Variants in SPEG observed in about 807,000 individuals in gnomAD.
SPEG encodes the protein striated muscle preferentially expressed protein kinase.
A neutral mutation model predicts 300.4 loss-of-function variants in SPEG; 114 were observed. The ratio of observed to expected loss-of-function variants is 0.38; its 90% CI spans 0.33 to 0.44. SPEG has a LOEUF of 0.44. Ranked by LOEUF, SPEG falls within the 20% of genes least tolerant of loss-of-function variation. The pLI is 1.00. For synonymous variants in SPEG, 1,964 were observed against 2,018.9 expected (o/e 0.97, Z 0.73); for missense variants, 4,201 against 4,586.2 (o/e 0.92, Z 2.43).
chr2:219,462,006 C>T lies in SPEG; in HGVS notation c.2565C>T (p.Ser855=). 1 of 1,611,016 alleles carries T rather than the reference C, an allele frequency of 6.2e-7. No individual in the cohort carries two copies. Among genetic ancestry groups the T allele is most frequent in the Non-Finnish European group, 8.5e-7 (1 of 1,178,044 alleles). ...PRTPTMKPSP[S]QNRRSSDTGS... is the part of the protein sequence containing the mutation. ...CCCCCACCATGAAGCCCAGTCCCAG[C>T]CAGAACCGCCGTTCTTCTGACACTG... Residue 855 remains serine, a synonymous_variant, in exon 7 of 41, where the codon AGC becomes AGT. Transcript: ENST00000312358.
chr2:219,480,917 A>C lies in SPEG; in HGVS notation c.5369+220A>C, dbSNP rs991731250. On this transcript the variant is annotated intron_variant, in intron 26 of 40. Coordinates refer to ENST00000312358, the MANE Select transcript of SPEG (RefSeq NM_005876.5). The surrounding 1 kb of genome is among the most constrained non-coding windows in gnomAD (Gnocchi z 5.3). Reference sequence around the variant, plus strand: ...TGGGCACCCTAGATGGAGAGAGCCCAGCGCAGGCTCAGGGCCATGGAGGCA... The same window carrying C: ...TGGGCACCCTAGATGGAGAGAGCCCCGCGCAGGCTCAGGGCCATGGAGGCA... 1.3e-5 allele frequency among the ~76,000 whole-genome samples: 2 copies of C among 151,934 alleles called. No individual in the cohort carries two copies. The highest frequency in any genetic ancestry group is 4.8e-5 in the African/African-American group (2 of 41,360).
chr2:219,472,769 G>A, intron 15 of SPEG, 121 bp from the exon 16 acceptor site: 1 of 788,970 alleles, frequency 1.3e-6, no homozygotes, highest in Non-Finnish European at 2.0e-6. Flanking sequence ...GGAAGCAACA[G>A]CAGAGACTGA....
rs927713192 is a variant in SPEG at position 219,484,952 on chromosome 2, G to C, written c.7489G>C (p.Glu2497Gln). The C allele has an allele frequency of 1.3e-6, 2 of 1,529,174 alleles. No homozygotes were observed. The highest frequency in any genetic ancestry group is 2.8e-5 in the African/African-American group (2 of 72,442). 94.7% of individuals were successfully genotyped at this position (1,529,174 alleles called of 1,614,324 possible). The stretch of plus-strand genomic sequence containing the variant: ...CGGACGGCTTCGCAGGGCCACGTCC[G>C]AGGGCGAGAGTCTGCGGCGCCTTGG... ...LFGRLRRATS[E>Q]GESLRRLGLP... is the part of the protein sequence containing the mutation. Residue 2497 changes from glutamate to glutamine, a missense_variant, in exon 30 of 41, where the codon GAG (glutamate) becomes CAG (glutamine). By Grantham distance (29) the Glu-to-Gln change is conservative. Transcript: ENST00000312358.
intron 6 of SPEG, chr2:219,460,204 G>A: frequency 1.4e-6 from 1 of 692,030 alleles, no homozygotes; most frequent in Non-Finnish European, 1.8e-6. Flanking sequence ...GACCTTCCAT[G>A]GCAGGGATGA....
Position 219,473,617 on chromosome 2 carries a change from G to C in SPEG, c.4261G>C (p.Val1421Leu), listed in dbSNP as rs561992037. 6.2e-7 allele frequency: 1 copy of C among 1,614,194 alleles called. No homozygotes were observed. Among genetic ancestry groups the C allele is most frequent in the Non-Finnish European group, 8.5e-7 (1 of 1,180,030 alleles). ...VTFNHVEAQV[V>L]WRSCRGALLE... ...ATTCAACCATGTGGAGGCCCAGGTC[G>C]TCTGGAGGAGGTGGGCCCCTTTCCC... Residue 1421 changes from valine to leucine, a missense_variant, in exon 17 of 41, where the codon GTC becomes CTC. Around this residue, in one of 4 missense-constraint regions of SPEG, gnomAD observed 1,047 missense variants for 1,356.8 expected, o/e 0.77. Transcript: ENST00000312358. The surrounding 1 kb of genome is among the most constrained non-coding windows in gnomAD (Gnocchi z 4.6).
At position 219,469,160 on chromosome 2, in the gene SPEG, A is replaced by G. The variant is rs1691649303; in HGVS notation, c.3496A>G (p.Lys1166Glu). Reference sequence around the variant, plus strand: ...GGCAGCTGTGTGGTCTTGCAGCTCGAAGCTGGAGAAGATGCCATCCATTCC... The same window carrying G: ...GGCAGCTGTGTGGTCTTGCAGCTCGGAGCTGGAGAAGATGCCATCCATTCC... ...PRTAASGPSS[K>E]LEKMPSIPEE... The change falls in exon 13 of 41, where the codon AAG becomes GAG. Residue 1166 changes from lysine (K) to glutamate (E), a missense_variant. Lys to Glu is a moderately conservative substitution (Grantham distance 56). Coordinates refer to ENST00000312358, the MANE Select transcript of SPEG (RefSeq NM_005876.5). 1 of 1,613,784 alleles carries G rather than the reference A, an allele frequency of 6.2e-7. No homozygotes were observed. The highest frequency in any genetic ancestry group is 8.5e-7 in the Non-Finnish European group (1 of 1,179,966).
chr2:219,492,450 C>A, intron 40 of SPEG, 144 bp from the exon 41 acceptor site: 1 of 1,080,236 alleles, frequency 9.3e-7, no homozygotes, highest in Non-Finnish European at 1.3e-6. Flanking sequence ...ATTCCGGAGA[C>A]TGGGGAACTG....
chr2:219,472,048 G>A, intron 14 of SPEG, 61 bp downstream of exon 14: 12 of 1,595,606 alleles, frequency 7.5e-6, no homozygotes, highest in Non-Finnish European at 1.0e-5. Context: ...ACTACGTGGG[G>A]GCTCAGGGAA....
At chr2:219,462,428 C>G in intron 8 of SPEG, 42 bp downstream of exon 8, 1 of 1,483,948 alleles carries the variant, frequency 6.7e-7, no homozygotes, top group Non-Finnish European at 9.2e-7. Flanking sequence ...CGACTCTATG[C>G]CAGGCCTGGC....
chr2:219,455,165 C>T (rs1196486802), intron 6 of SPEG, among the ~76,000 whole-genome samples: 2 of 152,072 alleles, frequency 1.3e-5, no homozygotes, highest in African/African-American at 2.4e-5. Context: ...TCATATATAC[C>T]AGGCCCTGTG....
chr2:219,460,609 C>T, intron 6 of SPEG: 2 of 985,458 alleles, frequency 2.0e-6, no homozygotes, highest in Non-Finnish European at 2.4e-6. Flanking sequence ...AAAGGCAGAT[C>T]CCGCGGCTTG....
intron 6 of SPEG, among the ~76,000 whole-genome samples, chr2:219,452,335 C>A (rs564589383): frequency 6.6e-6 from 1 of 152,300 alleles, no homozygotes; most frequent in South Asian, 2.1e-4. Flanking sequence ...CTTGGGCTGG[C>A]AGTGCCGAGG....
intron 1 of SPEG, chr2:219,437,308 G>A (rs1954744488): frequency 6.6e-6 from 1 of 152,280 alleles, no homozygotes; most frequent in Admixed American, 6.5e-5. Context: ...GCCTGCCTTG[G>A]TCCCTCAAAG....
intron 15 of SPEG, 106 bp from the exon 16 acceptor site, chr2:219,472,784 C>T (rs956158207): frequency 9.0e-6 from 8 of 888,966 alleles, no homozygotes; most frequent in East Asian, 2.7e-5. Context: ...GACTGAGGCA[C>T]GTCATCAGAG....
intron 22 of SPEG, among the ~76,000 whole-genome samples, chr2:219,478,634 G>T (rs56194370): frequency 9.3e-4 from 142 of 152,280 alleles, no homozygotes; most frequent in Middle Eastern, 3.4e-3. Context: ...TAAGGATGCT[G>T]GGTGATTGGC....
rs768897578 is a variant in SPEG at position 219,488,481 on chromosome 2, C to T, written c.7859-17C>T. 1 of 1,553,204 alleles carries T rather than the reference C, an allele frequency of 6.4e-7. No homozygotes were observed. Among genetic ancestry groups the T allele is most frequent in the South Asian group, 1.2e-5 (1 of 81,572 alleles). ...CTGCCTCACTCAGCAGCAACTCCTG[C>T]TCCTCCCTGTCCCCAGACAAGAAGT... is the stretch of plus-strand genomic sequence containing the variant. On this transcript the variant is annotated splice_polypyrimidine_tract_variant and intron_variant, in intron 32 of 40. Coordinates refer to ENST00000312358, the MANE Select transcript of SPEG (RefSeq NM_005876.5).
Position 219,445,843 on chromosome 2 carries a change from A to G in SPEG, c.815+682A>G, listed in dbSNP as rs961162365. ...CAGGGGGCTTGCAATGATTTCTCTC[A>G]TGGGAAACCCCTAAGTCCCTGAGGG... On this transcript the variant is annotated intron_variant, in intron 3 of 40. Transcript: ENST00000312358. This position sits in a 1 kb window ranked among gnomAD's most constrained non-coding sequence, Gnocchi z 6.1. Among the ~76,000 whole-genome samples the G allele has an allele frequency of 1.3e-5, 2 of 151,902 alleles. No homozygotes were observed. The highest frequency in any genetic ancestry group is 2.9e-5 in the Non-Finnish European group (2 of 67,962).
Position 219,484,967 on chromosome 2 carries a change from C to G in SPEG, c.7504C>G (p.Arg2502Gly), listed in dbSNP as rs191238352. ...RRATSEGESLRRLGLPHNQLA... is the reference protein window; with the variant it reads ...RRATSEGESLGRLGLPHNQLA... ...GGCCACGTCCGAGGGCGAGAGTCTG[C>G]GGCGCCTTGGCCTTCCGCACAACCA... The change falls in exon 30 of 41, where the codon CGG becomes GGG. Residue 2502 changes from arginine to glycine, a missense_variant. By Grantham distance (125) the Arg-to-Gly change is moderately radical (BLOSUM62 -2). Around this residue, in one of 4 missense-constraint regions of SPEG, gnomAD observed 1,578 missense variants for 1,506.0 expected, o/e 1.05. Coordinates refer to ENST00000312358, the MANE Select transcript of SPEG (RefSeq NM_005876.5). 6.5e-7 allele frequency: 1 copy of G among 1,529,446 alleles called. No individual in the cohort carries two copies. Among genetic ancestry groups the G allele is most frequent in the African/African-American group, 1.4e-5 (1 of 72,672 alleles). 94.7% of individuals were successfully genotyped at this position (1,529,446 alleles called of 1,614,324 possible).
At position 219,473,462 on chromosome 2, in the gene SPEG, G is replaced by A; in HGVS notation, c.4148-42G>A. On this transcript the variant is annotated intron_variant, in intron 16 of 40. Transcript: ENST00000312358. The surrounding 1 kb of genome is among the most constrained non-coding windows in gnomAD (Gnocchi z 4.6). ...GAGGAGTGGTGGGTGCTGAGGACCT[G>A]ATGTCAAGCCCAGCACAGAGCCTGC... The A allele has an allele frequency of 6.3e-7, 1 of 1,599,118 alleles. No individual in the cohort carries two copies. Among genetic ancestry groups the A allele is most frequent in the Non-Finnish European group, 8.6e-7 (1 of 1,168,436 alleles).
Sources: gnomAD v4.1 joint callset for allele counts (sites outside exome capture counted in the v4.1 genomes callset) on GRCh38, gnomAD v4.1.1 for gene constraint, gnomAD v4.1.1 regional missense constraint, Gnocchi (gnomAD v3.1) non-coding constraint, MANE v1.5 for transcripts, NCBI Gene and HGNC (gene_info 2026-07-23, HGNC 2026-07-21) for gene names.